Variants in JAKMIP2 observed in about 807,000 individuals in gnomAD.
The protein encoded by JAKMIP2 is janus kinase and microtubule interacting protein 2.
Under a neutral mutation model 115.0 loss-of-function variants are expected in JAKMIP2, and 25 were observed. That is an observed-to-expected ratio of 0.22 (90% CI 0.16 to 0.30). JAKMIP2 has a LOEUF of 0.30. Ranked by LOEUF, JAKMIP2 falls within the 10% of genes least tolerant of loss-of-function variation. The pLI, the probability that JAKMIP2 is intolerant of heterozygous loss-of-function variation, is 1.00. For missense variants in JAKMIP2, 642 were observed against 957.6 expected, an observed-to-expected ratio of 0.67 and a Z score of 4.35; for synonymous variants, 334 against 343.6, an observed-to-expected ratio of 0.97 and a Z score of 0.31.
intron 1 of JAKMIP2, among the ~76,000 whole-genome samples, chr5:147,690,738 T>C (rs1003994599): frequency 6.6e-6 from 1 of 152,004 alleles, no homozygotes; most frequent in African/African-American, 2.4e-5. Context: ...CTCTGGGGAA[T>C]GTGTCTCAGG....
At chr5:147,676,073 C>T (rs893414289) in intron 1 of JAKMIP2, among the ~76,000 whole-genome samples, 1 of 152,136 alleles carries the variant, frequency 6.6e-6, no homozygotes, top group African/African-American at 2.4e-5. Context: ...GTGGCTCACG[C>T]CTGCAATCCC....
intron 1 of JAKMIP2, among the ~76,000 whole-genome samples, chr5:147,775,951 T>G (rs114936433): frequency 6.6e-6 from 1 of 152,044 alleles, no homozygotes; most frequent in Non-Finnish European, 1.5e-5. Flanking sequence ...ATTACAACTT[T>G]TGATACGTAT....
intron 3 of JAKMIP2, among the ~76,000 whole-genome samples, chr5:147,658,807 C>T (rs999391387): frequency 1.3e-5 from 2 of 152,144 alleles, no homozygotes; most frequent in Admixed American, 6.5e-5. Flanking sequence ...GTCCAAAAAT[C>T]TCCCAGTCGC....
At chr5:147,721,582 G>T (rs1331976423) in intron 1 of JAKMIP2, among the ~76,000 whole-genome samples, 1 of 152,190 alleles carries the variant, frequency 6.6e-6, no homozygotes, top group East Asian at 1.9e-4. Context: ...TCGGAAAAGC[G>T]CAGTATTCGG....
intron 1 of JAKMIP2, among the ~76,000 whole-genome samples, chr5:147,756,150 G>A (rs1442537600): frequency 6.6e-6 from 1 of 152,106 alleles, no homozygotes; most frequent in Non-Finnish European, 1.5e-5. Context: ...TGAATTAAAT[G>A]GAAGTACAAT....
chr5:147,639,812 G>A (rs1318955419), intron 9 of JAKMIP2, 52 bp from the exon 10 acceptor site: 2 of 1,580,820 alleles, frequency 1.3e-6, no homozygotes, highest in Non-Finnish European at 1.7e-6. Flanking sequence ...TTCAGGTCCT[G>A]TTTTCAATGT....
chr5:147,636,593 A>C (rs893909150), intron 11 of JAKMIP2, among the ~76,000 whole-genome samples: 2 of 152,210 alleles, frequency 1.3e-5, no homozygotes, highest in Admixed American at 1.3e-4. Context: ...GAATGCACAC[A>C]GGCTAGATAC....
rs1049802840 is a variant in JAKMIP2 at position 147,586,865 on chromosome 5, T to C, written c.*4842A>G. 4 of 151,724 alleles carry C rather than the reference T, an allele frequency of 2.6e-5. No individual in the cohort carries two copies. Among genetic ancestry groups the C allele is most frequent in the Non-Finnish European group, 4.4e-5 (3 of 67,938 alleles). 9.4% of individuals were successfully genotyped at this position (151,724 alleles called of 1,614,324 possible). A position where few individuals can be genotyped will look rare whatever the true frequency, so the allele number is the denominator to read the frequency against. On this transcript the variant is annotated 3_prime_UTR_variant, in exon 22 of 22. Transcript: ENST00000616793. ...ACCTTAGCCTTCTGAGTAGCTATCT[T>C]TAGGAATTTTGATTAAGCATTGGAC...
chr5:147,625,934 A>C (rs1757075568), intron 16 of JAKMIP2, among the ~76,000 whole-genome samples: 1 of 152,318 alleles, frequency 6.6e-6, no homozygotes, highest in East Asian at 1.9e-4. Flanking sequence ...TAATGTACTT[A>C]TGGCATTGAG....
rs1757889867 is a variant in JAKMIP2 at position 147,641,741 on chromosome 5, T to C, written c.1248A>G (p.Arg416=). The part of the protein sequence containing the change: ...LTRDREKLIR[R]RKHRRSSKPI... ...GCTTGGAACTTCTTCTATGCTTTCT[T>C]CTACGGATGAGCTTTTCTCGGTCCT... Residue 416 remains arginine (R), a synonymous_variant, in exon 8 of 22, where the codon AGA becomes AGG. Transcript: ENST00000616793. The C allele has an allele frequency of 3.1e-6, 5 of 1,613,516 alleles. No individual in the cohort carries two copies. Among genetic ancestry groups the C allele is most frequent in the Middle Eastern group, 1.7e-4 (1 of 6,060 alleles).
chr5:147,710,895 G>A (rs1344326910), intron 1 of JAKMIP2, among the ~76,000 whole-genome samples: 2 of 152,152 alleles, frequency 1.3e-5, no homozygotes, highest in Non-Finnish European at 2.9e-5. Context: ...TGCATTCCAA[G>A]TAGTAAAGTG....
chr5:147,673,837 C>A (rs188047398), intron 1 of JAKMIP2, among the ~76,000 whole-genome samples: 125 of 149,380 alleles, frequency 8.4e-4, no homozygotes, highest in East Asian at 4.6e-3. Flanking sequence ...ATATATATAT[C>A]TATCTAACAG....
rs180690926 is a variant in JAKMIP2 at position 147,685,389 on chromosome 5, A to C, written c.-148-13435T>G. Among the ~76,000 whole-genome samples the C allele has an allele frequency of 4.1e-3, 631 of 152,344 alleles. 5 individuals are homozygous for C. Among genetic ancestry groups the C allele is most frequent in the Non-Finnish European group, 4.2e-3 (283 of 68,038 alleles). On this transcript the variant is annotated intron_variant, in intron 1 of 21. Transcript: ENST00000616793. Reference sequence around the variant, plus strand: ...AAAAGCTAATATTTTCAGGGGGCTTAGTATAAGCTAGGCACTACAGTAAAT... The same window carrying C: ...AAAAGCTAATATTTTCAGGGGGCTTCGTATAAGCTAGGCACTACAGTAAAT...
chr5:147,729,230 A>C (rs1373682338), intron 1 of JAKMIP2, among the ~76,000 whole-genome samples: 1 of 152,128 alleles, frequency 6.6e-6, no homozygotes, highest in Non-Finnish European at 1.5e-5. Flanking sequence ...CTAAGAATTT[A>C]GCCCTTTCAT....
At position 147,588,122 on chromosome 5, in the gene JAKMIP2, G is replaced by C. The variant is rs1581249044; in HGVS notation, c.*3585C>G. On this transcript the variant is annotated 3_prime_UTR_variant, in exon 22 of 22. Transcript: ENST00000616793. ...AAGTTTGACATTCAATTTAGTAATA[G>C]ATGCTTTTTAAGTATGATAGTCAAA... The C allele has an allele frequency of 2.0e-5, 3 of 152,068 alleles. No homozygotes were observed. The East Asian group carries it at 5.8e-4, about 29-fold the overall frequency. 9.4% of individuals were successfully genotyped at this position (152,068 alleles called of 1,614,324 possible).
At chr5:147,730,929 T>A (rs1457473139) in intron 1 of JAKMIP2, among the ~76,000 whole-genome samples, 1 of 152,186 alleles carries the variant, frequency 6.6e-6, no homozygotes. Context: ...TCTCCCCCAC[T>A]GCAAGACTGT....
chr5:147,620,796 G>C, intron 17 of JAKMIP2, 53 bp from the exon 18 acceptor site: 1 of 1,210,686 alleles, frequency 8.3e-7, no homozygotes, highest in African/African-American at 1.5e-5. Context: ...AGAAAGTGAC[G>C]TACAAATGGT....
intron 18 of JAKMIP2, among the ~76,000 whole-genome samples, chr5:147,619,107 G>T (rs918443084): frequency 2.0e-5 from 3 of 152,046 alleles, no homozygotes; most frequent in Non-Finnish European, 4.4e-5. Flanking sequence ...ATATGCTTCA[G>T]ATAACAGTTG....
rs780208117 is a variant in JAKMIP2, at chr5:147,746,036, A to G, written c.-149+36420T>C. On this transcript the variant is annotated intron_variant, in intron 1 of 21. Transcript: ENST00000616793. Reference sequence around the variant, plus strand: ...TGATTATTAGTGGTGTTGAAGATAGAAGTTTCCAGACAACTGAATTCTGGG... The same window carrying G: ...TGATTATTAGTGGTGTTGAAGATAGGAGTTTCCAGACAACTGAATTCTGGG... Among the ~76,000 whole-genome samples the G allele has an allele frequency of 4.5e-4, 68 of 152,202 alleles. 1 individual carries two copies. Among genetic ancestry groups the G allele is most frequent in the Non-Finnish European group, 1.3e-4 (9 of 68,036 alleles).
Sources: allele counts gnomAD v4.1 joint callset (sites outside exome capture counted in the v4.1 genomes callset), GRCh38; gene constraint gnomAD v4.1.1; transcripts MANE v1.5; gene names NCBI Gene and HGNC (gene_info 2026-07-23, HGNC 2026-07-21).